Variants in GPR158 observed in about 807,000 individuals in gnomAD.
GPR158 encodes G protein-coupled receptor 158.
In GPR158, 30 loss-of-function variants were observed where a neutral mutation model predicts 78.2. The observed-to-expected ratio is 0.38, with a 90% CI of 0.29 to 0.52. The LOEUF (loss-of-function observed/expected upper bound fraction) is 0.52. Among genes scored for constraint, GPR158 ranks in the 20% least tolerant of loss-of-function variants. The probability of loss-of-function intolerance (pLI) is 0.83; values close to 1 mark genes in which losing one functional copy is unlikely to be tolerated. For missense variants in GPR158, 1,463 were observed against 1,523.5 expected (o/e 0.96, Z 0.66); for synonymous variants, 581 against 591.1 (o/e 0.98, Z 0.25).
At chr10:25,407,171 G>A (rs1039166932) in intron 3 of GPR158, among the ~76,000 whole-genome samples, 1 of 152,182 alleles carries the variant, frequency 6.6e-6, no homozygotes, top group Non-Finnish European at 1.5e-5. Context: ...TGGGGACCAA[G>A]ATGAAAATAC....
chr10:25,367,830 T>A (rs954737957), intron 2 of GPR158, among the ~76,000 whole-genome samples: 2 of 150,052 alleles, frequency 1.3e-5, no homozygotes, highest in Non-Finnish European at 1.5e-5. Context: ...TTGTTTGATA[T>A]TAATATAGTT....
In GPR158 at chr10:25,395,929, C is replaced by G. The variant is rs376414773; in HGVS notation, c.1027C>G (p.Leu343Val). The G allele has an allele frequency of 6.3e-7, 1 of 1,594,148 alleles. No individual in the cohort carries two copies. Residue 343 changes from leucine (L) to valine (V), a missense_variant, in exon 3 of 11, where the codon CTA becomes GTA. Transcript: ENST00000376351. ...TTCATAGTGTATGCCAATTAAAGGC[C>G]TAGGATTCGTTCTTGGAGCCTATGA... ...NNSECMPIKG[L>V]GFVLGAYECI... is the part of the protein sequence containing the mutation.
chr10:25,509,828 C>T (rs551208485), intron 5 of GPR158, among the ~76,000 whole-genome samples: 44 of 152,332 alleles, frequency 2.9e-4, no homozygotes, highest in African/African-American at 1.1e-3. Flanking sequence ...ATTCTCCTGC[C>T]TCAGCCTCCT....
intron 7 of GPR158, among the ~76,000 whole-genome samples, chr10:25,587,650 C>T (rs1474090004): frequency 6.6e-6 from 1 of 152,160 alleles, no homozygotes; most frequent in East Asian, 1.9e-4. Context: ...ACATTCATAG[C>T]ATGGCCAAGG....
chr10:25,335,936 G>A (rs1855199195), intron 2 of GPR158, among the ~76,000 whole-genome samples: 1 of 151,950 alleles, frequency 6.6e-6, no homozygotes, highest in African/African-American at 2.4e-5. Flanking sequence ...GTAAAAGGGG[G>A]ATAACAGTAG....
chr10:25,575,482 G>A, intron 7 of GPR158, among the ~76,000 whole-genome samples: 1 of 152,092 alleles, frequency 6.6e-6, no homozygotes, highest in East Asian at 1.9e-4. Context: ...TAGAAATGCA[G>A]ATTCTCAGAG....
chr10:25,589,152 G>A lies in GPR158; in HGVS notation c.1892+7G>A, dbSNP rs1564499018. ...CTATATTCCATACAATTAGGCAAGT[G>A]ATCTGTAGAGCTAGTAAATAACTAT... On this transcript the variant is annotated splice_region_variant and intron_variant, in intron 8 of 10. Transcript: ENST00000376351. 1 of 1,579,696 alleles carries A rather than the reference G, an allele frequency of 6.3e-7. No individual in the cohort carries two copies. Among genetic ancestry groups the A allele is most frequent in the Non-Finnish European group, 8.7e-7 (1 of 1,155,390 alleles).
intron 5 of GPR158, among the ~76,000 whole-genome samples, chr10:25,471,707 G>A (rs1835506269): frequency 6.6e-6 from 1 of 152,126 alleles, no homozygotes; most frequent in Non-Finnish European, 1.5e-5. Context: ...TTTCTCTGAT[G>A]GCCAGTGATG....
intron 7 of GPR158, among the ~76,000 whole-genome samples, chr10:25,586,391 A>AAT (rs1837268156): frequency 1.4e-5 from 1 of 70,868 alleles, no homozygotes; most frequent in Non-Finnish European, 3.0e-5. Context: ...GTATGTGTGA[A>AAT]TTTTTTTTTT....
At chr10:25,290,365 A>G (rs901201618) in intron 2 of GPR158, among the ~76,000 whole-genome samples, 1 of 152,230 alleles carries the variant, frequency 6.6e-6, no homozygotes, top group East Asian at 1.9e-4. Context: ...GTATTTAAGA[A>G]GAAAAGTATC....
chr10:25,356,751 A>C (rs1490322543), intron 2 of GPR158, among the ~76,000 whole-genome samples: 1 of 152,130 alleles, frequency 6.6e-6, no homozygotes, highest in East Asian at 1.9e-4. Context: ...TAAACTGTCC[A>C]GTCTCTGGTA....
chr10:25,254,327 T>G (rs1234410433), intron 2 of GPR158, among the ~76,000 whole-genome samples: 1 of 152,218 alleles, frequency 6.6e-6, no homozygotes, highest in Non-Finnish European at 1.5e-5. Flanking sequence ...CCACATGAAC[T>G]GATATACTTT....
intron 8 of GPR158, among the ~76,000 whole-genome samples, chr10:25,593,849 T>C (rs573659529): frequency 6.6e-6 from 1 of 152,090 alleles, no homozygotes; most frequent in African/African-American, 2.4e-5. Context: ...TTCACAAAGA[T>C]AAATAATTGT....
intron 2 of GPR158, among the ~76,000 whole-genome samples, chr10:25,304,453 A>G (rs60972883): frequency 0.2 from 30,706 of 151,222 alleles, 5,234 homozygotes; most frequent in African/African-American, 0.47. Context: ...TCAACTCCCC[A>G]CTCTCCCACT....
At chr10:25,229,562 C>G (rs1006955315) in intron 2 of GPR158, among the ~76,000 whole-genome samples, 2 of 152,052 alleles carry the variant, frequency 1.3e-5, no homozygotes, top group African/African-American at 4.8e-5. Flanking sequence ...GATGAGAAAG[C>G]TAGGCCAAGA....
intron 2 of GPR158, among the ~76,000 whole-genome samples, chr10:25,252,473 G>A (rs940755508): frequency 6.6e-6 from 1 of 151,650 alleles, no homozygotes; most frequent in African/African-American, 2.4e-5. Context: ...TGATGATGGT[G>A]ATGTACAGAG....
chr10:25,293,756 T>A (rs1440648717), intron 2 of GPR158, among the ~76,000 whole-genome samples: 1 of 152,034 alleles, frequency 6.6e-6, no homozygotes, highest in African/African-American at 2.4e-5. Flanking sequence ...TTTTTTTTTT[T>A]TTTTTCTGAG....
At chr10:25,192,033 G>A (rs1852777712) in intron 1 of GPR158, among the ~76,000 whole-genome samples, 1 of 152,148 alleles carries the variant, frequency 6.6e-6, no homozygotes, top group Non-Finnish European at 1.5e-5. Flanking sequence ...GCCTGATACG[G>A]TTTGGCTGTG....
chr10:25,184,256 T>A (rs1022865910), intron 1 of GPR158, among the ~76,000 whole-genome samples: 3 of 152,130 alleles, frequency 2.0e-5, no homozygotes, highest in African/African-American at 7.2e-5. Flanking sequence ...AGGAGTATAG[T>A]GTTGAGATTA....
Sources: allele counts gnomAD v4.1 joint callset (sites outside exome capture counted in the v4.1 genomes callset), GRCh38; gene constraint gnomAD v4.1.1; transcripts MANE v1.5; gene names NCBI Gene and HGNC (gene_info 2026-07-23, HGNC 2026-07-21).